CHRNA2: variants seen among roughly 807,000 people sequenced by gnomAD.
CHRNA2 encodes neuronal acetylcholine receptor subunit alpha-2.
CHRNA2 carries 40 observed loss-of-function variants against 45.5 expected under a neutral mutation model. The observed-to-expected ratio is 0.88, with a 90% CI of 0.68 to 1.15. The LOEUF is 1.15. CHRNA2 is among the 50% of genes most tolerant of loss of function. The pLI, the probability that CHRNA2 is intolerant of heterozygous loss-of-function variation, is 0.00. For missense variants in CHRNA2, 655 were observed against 701.7 expected (o/e 0.93, Z 0.75); for synonymous variants, 301 against 296.7 (o/e 1.01, Z -0.15).
chr8:27,472,339 G>T (rs563561815), intron 1 of CHRNA2, among the ~76,000 whole-genome samples: 1 of 152,306 alleles, frequency 6.6e-6, no homozygotes, highest in Non-Finnish European at 1.5e-5. Flanking sequence ...TTGACATTGG[G>T]GGGCAGTGTT....
intron 6 of CHRNA2, 126 bp downstream of exon 6, chr8:27,462,853 T>C: frequency 8.7e-7 from 1 of 1,144,658 alleles, no homozygotes; most frequent in Non-Finnish European, 1.3e-6. Context: ...CTAAGGACCA[T>C]GACTGAGGAA....
intron 1 of CHRNA2, 134 bp from the exon 2 acceptor site, chr8:27,471,328 T>C: frequency 2.4e-6 from 1 of 420,810 alleles, no homozygotes; most frequent in Non-Finnish European, 4.5e-6. Flanking sequence ...TAAGTGCTCC[T>C]GGGCTCTCCC....
Position 27,467,305 on chromosome 8 carries a change from T to A in CHRNA2, c.373A>T (p.Thr125Ser). Residue 125 changes from threonine (T) to serine (S), a missense_variant, in exon 5 of 7, where the codon ACT (threonine) becomes TCT (serine). By Grantham distance (58) the Thr-to-Ser change is moderately conservative. Transcript: ENST00000407991. Reference protein sequence around the residue: ...WSDYKLRWNPTDFGNITSLRV... With the variant: ...WSDYKLRWNPSDFGNITSLRV... Reference sequence around the variant, plus strand: ...AGAGATGTGATGTTGCCAAAATCAGTGGGGTTCCAGCGCAGTTTGTAGTCG... The same window carrying A: ...AGAGATGTGATGTTGCCAAAATCAGAGGGGTTCCAGCGCAGTTTGTAGTCG... 6.2e-7 allele frequency: 1 copy of A among 1,613,346 alleles called. No homozygotes were observed. Among genetic ancestry groups the A allele is most frequent in the Non-Finnish European group, 8.5e-7 (1 of 1,179,412 alleles).
At chr8:27,462,366 GT>G (rs1812520316) in intron 6 of CHRNA2, among the ~76,000 whole-genome samples, 1 of 151,800 alleles carries the variant, frequency 6.6e-6, no homozygotes, top group South Asian at 2.1e-4. Flanking sequence ...CCTAGGCTTA[GT>G]AGAATTTTGT....
chr8:27,476,618 T>C (rs963950084), intron 1 of CHRNA2, among the ~76,000 whole-genome samples: 3 of 152,230 alleles, frequency 2.0e-5, no homozygotes, highest in African/African-American at 7.2e-5. Flanking sequence ...CTCTTGTCTC[T>C]TTCATCCTTT....
chr8:27,473,224 C>CT (rs1176061940), intron 1 of CHRNA2, among the ~76,000 whole-genome samples: 1 of 152,096 alleles, frequency 6.6e-6, no homozygotes, highest in Non-Finnish European at 1.5e-5. Context: ...ATAACAAAGG[C>CT]TCTCGGTACA....
At chr8:27,472,489 G>A (rs1267603766) in intron 1 of CHRNA2, among the ~76,000 whole-genome samples, 1 of 152,202 alleles carries the variant, frequency 6.6e-6, no homozygotes, top group Admixed American at 6.5e-5. Context: ...CACATCTTTG[G>A]GGGGTCACAG....
chr8:27,469,601 G>T, intron 3 of CHRNA2, 160 bp downstream of exon 3: 1 of 938,798 alleles, frequency 1.1e-6, no homozygotes. Flanking sequence ...AGAGCTGGGA[G>T]AGGGGAGAGC....
intron 4 of CHRNA2, 125 bp from the exon 5 acceptor site, chr8:27,467,463 C>G (rs1459783016): frequency 2.1e-5 from 15 of 717,672 alleles, no homozygotes; most frequent in African/African-American, 3.5e-5. Context: ...GGGCTCCCCA[C>G]CCAGCCCAGA....
At chr8:27,465,419 A>C (rs1024723667) in intron 5 of CHRNA2, among the ~76,000 whole-genome samples, 7 of 149,308 alleles carry the variant, frequency 4.7e-5, no homozygotes, top group Non-Finnish European at 2.9e-5. Context: ...TAACAAATAC[A>C]TTGAGACAAA....
chr8:27,477,831 A>G (rs1398654466), intron 1 of CHRNA2, among the ~76,000 whole-genome samples: 1 of 152,018 alleles, frequency 6.6e-6, no homozygotes, highest in Non-Finnish European at 1.5e-5. Flanking sequence ...AGCCTATGTA[A>G]AAGAGATTGC....
In CHRNA2 at chr8:27,463,564, G is replaced by T. The variant is rs554981272; in HGVS notation, c.879C>A (p.Cys293Ter). The T allele has an allele frequency of 1.2e-6, 2 of 1,614,090 alleles. No individual in the cohort carries two copies. The highest frequency in any genetic ancestry group is 1.7e-6 in the Non-Finnish European group (2 of 1,180,052). ...AAATGCACAGCGTGATCTTCTCGCC[G>T]CAGTCGGAGGGCAGGTAGAAGACCA... ...TVLVFYLPSD[C>*]GEKITLCISV... is the part of the protein sequence containing the mutation. Residue 293 changes from cysteine to a stop codon, truncating the protein, a stop_gained, in exon 6 of 7, where the codon TGC becomes TGA. Coordinates refer to ENST00000407991, the MANE Select transcript of CHRNA2 (RefSeq NM_000742.4). LOFTEE classifies it high-confidence loss of function. The surrounding 1 kb of genome is among the most constrained non-coding windows in gnomAD (Gnocchi z 6.1).
rs749494357 is a variant in CHRNA2, at chr8:27,463,284, C to T, written c.1159G>A (p.Val387Met). ...WLLMNRPPPP[V>M]ELCHPLRLKL... is the part of the protein sequence containing the mutation. ...AGGCGTAGGGGGTGGCAGAGCTCCA[C>T]GGGTGGTGGGGGCCGGTTCATCAGA... The change falls in exon 6 of 7, where the codon GTG (valine) becomes ATG (methionine). Residue 387 changes from valine (V) to methionine (M), a missense_variant. Val to Met is a conservative substitution (Grantham distance 21). Coordinates refer to ENST00000407991, the MANE Select transcript of CHRNA2 (RefSeq NM_000742.4). The surrounding 1 kb of genome is among the most constrained non-coding windows in gnomAD (Gnocchi z 6.1). 30 of 1,608,366 alleles carry T rather than the reference C, an allele frequency of 1.9e-5. No homozygotes were observed. The South Asian group carries it at 2.8e-4, about 15-fold the overall frequency.
In CHRNA2 at chr8:27,477,708, A is replaced by T. The variant is rs190363821; in HGVS notation, c.-137+1116T>A. Among the ~76,000 whole-genome samples, 65 of 152,126 alleles carry T rather than the reference A, an allele frequency of 4.3e-4. 2 individuals are homozygous for T. The South Asian group carries it at 9.8e-3, about 23-fold the overall frequency. On this transcript the variant is annotated intron_variant, in intron 1 of 6. Coordinates refer to ENST00000407991, the MANE Select transcript of CHRNA2 (RefSeq NM_000742.4). The stretch of plus-strand genomic sequence containing the variant: ...GTTAGGAAGATGTCAAAAAAAAAAG[A>T]GCTGCACACTTTGACCCTCTAAGTG...
At chr8:27,470,610 G>C (rs117092848) in intron 2 of CHRNA2, among the ~76,000 whole-genome samples, 2,914 of 152,342 alleles carry the variant, frequency 0.019, 32 homozygotes, top group Non-Finnish European at 0.03. Context: ...GAGAACTACA[G>C]CTCCAAATCC....
Position 27,462,975 on chromosome 8 carries a change from G to T in CHRNA2, c.1464+4C>A. 6.2e-7 allele frequency: 1 copy of T among 1,613,990 alleles called. No individual in the cohort carries two copies. The highest frequency in any genetic ancestry group is 2.2e-5 in the East Asian group (1 of 44,880). On this transcript the variant is annotated splice_donor_region_variant and intron_variant, in intron 6 of 6. Transcript: ENST00000407991. ...GGCTGGCGCCTCTCCCAACCCCAAC[G>T]CACCGAAGAGTCAGCATCCTCAGAC... is the stretch of plus-strand genomic sequence containing the variant.
At position 27,469,720 on chromosome 8, in the gene CHRNA2, G is replaced by A. The variant is rs776346092; in HGVS notation, c.294+41C>T. On this transcript the variant is annotated intron_variant, in intron 3 of 6. Transcript: ENST00000407991. ...CAGGGGGAAAGCGGTGGGTGGTCTG[G>A]GATCTCCTTCCTCGGGCCAGCGGTG... The A allele has an allele frequency of 7.5e-6, 12 of 1,609,016 alleles. No individual in the cohort carries two copies. The highest frequency in any genetic ancestry group is 1.0e-5 in the Non-Finnish European group (12 of 1,175,802).
chr8:27,477,066 A>T (rs1388945574), intron 1 of CHRNA2: 3 of 152,140 alleles, frequency 2.0e-5, no homozygotes, highest in African/African-American at 7.2e-5. Flanking sequence ...TAAAGCTGAG[A>T]TTCAAGCTAA....
In CHRNA2 at chr8:27,467,252, G is replaced by A. The variant is rs1424738518; in HGVS notation, c.426C>T (p.Ile142=). 6.2e-7 allele frequency: 1 copy of A among 1,613,746 alleles called. No homozygotes were observed. The highest frequency in any genetic ancestry group is 1.3e-5 in the African/African-American group (1 of 74,922). The part of the protein sequence containing the change: ...SLRVPSEMIW[I]PDIVLYNNAD... ...ACTTGTTGTAGAGAACAATGTCGGG[G>A]ATCCAGATCATCTCAGAAGGGACCC... The change falls in exon 5 of 7, where the codon ATC becomes ATT. Residue 142 remains isoleucine (I), a synonymous_variant. Coordinates refer to ENST00000407991, the MANE Select transcript of CHRNA2 (RefSeq NM_000742.4).
Sources: gnomAD v4.1 joint callset for allele counts (sites outside exome capture counted in the v4.1 genomes callset) on GRCh38, gnomAD v4.1.1 for gene constraint, Gnocchi (gnomAD v3.1) non-coding constraint, MANE v1.5 for transcripts, NCBI Gene and HGNC (gene_info 2026-07-23, HGNC 2026-07-21) for gene names.